Variants in CNTNAP5 observed in about 807,000 individuals in gnomAD.
CNTNAP5 encodes the protein contactin associated protein family member 5.
A neutral mutation model predicts 150.2 loss-of-function variants in CNTNAP5; 72 were observed. The ratio of observed to expected loss-of-function variants is 0.48; its 90% confidence interval spans 0.40 to 0.58. CNTNAP5 has a LOEUF of 0.58. CNTNAP5 is among the 20% of genes least tolerant of loss of function. CNTNAP5 has a pLI of 0.00. For missense variants in CNTNAP5, 1,636 were observed against 1,626.2 expected (o/e 1.01, Z -0.10); for synonymous variants, 672 against 619.8 (o/e 1.08, Z -1.25).
At chr2:124,071,691 C>T (rs1185545496) in intron 1 of CNTNAP5, among the ~76,000 whole-genome samples, 1 of 151,802 alleles carries the variant, frequency 6.6e-6, no homozygotes, top group Non-Finnish European at 1.5e-5. Flanking sequence ...TCTGAACAGA[C>T]CAATAACAAG....
At chr2:124,733,884 C>T (rs140490914) in intron 13 of CNTNAP5, among the ~76,000 whole-genome samples, 2,899 of 152,118 alleles carry the variant, frequency 0.019, 36 homozygotes, top group Non-Finnish European at 0.03. Context: ...AGTGTTAATA[C>T]GACATGCACA....
At chr2:124,206,151 T>G (rs1395271888) in intron 1 of CNTNAP5, among the ~76,000 whole-genome samples, 1 of 152,196 alleles carries the variant, frequency 6.6e-6, no homozygotes, top group Non-Finnish European at 1.5e-5. Context: ...AACTAAGTGA[T>G]TAATGCCAAT....
chr2:124,078,517 C>T (rs907623011), intron 1 of CNTNAP5, among the ~76,000 whole-genome samples: 1 of 152,160 alleles, frequency 6.6e-6, no homozygotes, highest in African/African-American at 2.4e-5. Context: ...CTCTTAATTT[C>T]AAATTATGAC....
At chr2:124,596,079 C>CA (rs1468684040) in intron 11 of CNTNAP5, among the ~76,000 whole-genome samples, 1 of 132,522 alleles carries the variant, frequency 7.5e-6, no homozygotes, top group African/African-American at 2.9e-5. Flanking sequence ...TTGATCCTTT[C>CA]AAAAAACCAG....
At chr2:124,694,976 A>G (rs1679375615) in intron 13 of CNTNAP5, among the ~76,000 whole-genome samples, 1 of 150,542 alleles carries the variant, frequency 6.6e-6, no homozygotes, top group African/African-American at 2.5e-5. Flanking sequence ...TTAGAATACT[A>G]GTAGAATATT....
At chr2:124,355,384 C>A (rs1030554631) in intron 3 of CNTNAP5, among the ~76,000 whole-genome samples, 3 of 152,078 alleles carry the variant, frequency 2.0e-5, no homozygotes, top group Non-Finnish European at 1.5e-5. Context: ...TCTTTTCTTA[C>A]CCTAAACTTT....
chr2:124,692,445 A>T lies in CNTNAP5; in HGVS notation c.2077+44487A>T, dbSNP rs539835463. Reference sequence around the variant, plus strand: ...ATACAATCTGGCCTTTTACAGAAAAATGTATGGACTCTGTTTTAAGGCACT... The same window carrying T: ...ATACAATCTGGCCTTTTACAGAAAATTGTATGGACTCTGTTTTAAGGCACT... On this transcript the variant is annotated intron_variant, in intron 13 of 23. Transcript: ENST00000682447. Among the ~76,000 whole-genome samples, 5 of 152,246 alleles carry T rather than the reference A, an allele frequency of 3.3e-5. No homozygotes were observed. In the East Asian group the frequency reaches 7.8e-4, roughly 24 times the overall value.
At chr2:124,496,110 A>T (rs1374686735) in intron 7 of CNTNAP5, among the ~76,000 whole-genome samples, 2 of 152,122 alleles carry the variant, frequency 1.3e-5, no homozygotes, top group Non-Finnish European at 2.9e-5. Flanking sequence ...GGCCCATATG[A>T]ACTGCTTAAT....
intron 13 of CNTNAP5, among the ~76,000 whole-genome samples, chr2:124,679,756 G>T (rs1310452469): frequency 6.6e-6 from 1 of 151,588 alleles, no homozygotes; most frequent in African/African-American, 2.4e-5. Flanking sequence ...GTAGAAACAG[G>T]GTCTCGACAT....
At chr2:124,027,159 T>C (rs1680914052) in intron 1 of CNTNAP5, among the ~76,000 whole-genome samples, 1 of 152,192 alleles carries the variant, frequency 6.6e-6, no homozygotes, top group African/African-American at 2.4e-5. Flanking sequence ...GGAATCTGAG[T>C]TTTTTTCTTT....
At chr2:124,131,584 T>C (rs1683849694) in intron 1 of CNTNAP5, among the ~76,000 whole-genome samples, 1 of 152,092 alleles carries the variant, frequency 6.6e-6, no homozygotes, top group South Asian at 2.1e-4. Flanking sequence ...GGGTAATAGA[T>C]TAGGAATTAA....
intron 13 of CNTNAP5, among the ~76,000 whole-genome samples, chr2:124,696,034 C>A (rs1002669804): frequency 3.3e-5 from 5 of 152,026 alleles, no homozygotes; most frequent in African/African-American, 1.2e-4. Flanking sequence ...TGGAGAAGAA[C>A]CCCAAAGCTT....
intron 1 of CNTNAP5, among the ~76,000 whole-genome samples, chr2:124,174,104 G>C (rs1685004193): frequency 1.5e-5 from 1 of 68,858 alleles, no homozygotes; most frequent in South Asian, 4.9e-4. Flanking sequence ...GAGATTTACT[G>C]CTCAGGAAAA....
chr2:124,127,532 A>C (rs1053520745), intron 1 of CNTNAP5, among the ~76,000 whole-genome samples: 6 of 152,078 alleles, frequency 3.9e-5, no homozygotes, highest in Admixed American at 3.9e-4. Flanking sequence ...CTACTAATGA[A>C]TTTCTTCACA....
chr2:124,455,434 GACCAGAC>G (rs1319328711), intron 6 of CNTNAP5, among the ~76,000 whole-genome samples: 2 of 152,104 alleles, frequency 1.3e-5, no homozygotes, highest in East Asian at 3.9e-4. Flanking sequence ...AAAAGTCCAG[GACCAGAC>G]AGTTTCACAG....
At chr2:124,712,048 G>A (rs1029729407) in intron 13 of CNTNAP5, among the ~76,000 whole-genome samples, 3 of 152,112 alleles carry the variant, frequency 2.0e-5, no homozygotes, top group Non-Finnish European at 4.4e-5. Flanking sequence ...TTCTTGGCCT[G>A]ATATCCTTTT....
chr2:124,193,176 T>A (rs1161477192), intron 1 of CNTNAP5, among the ~76,000 whole-genome samples: 1 of 152,238 alleles, frequency 6.6e-6, no homozygotes, highest in African/African-American at 2.4e-5. Context: ...AGGCCCACCT[T>A]CCTTAATGGC....
At chr2:124,511,697 G>C (rs1399336732) in intron 8 of CNTNAP5, among the ~76,000 whole-genome samples, 1 of 152,284 alleles carries the variant, frequency 6.6e-6, no homozygotes, top group South Asian at 2.1e-4. Context: ...TTTGAAACTG[G>C]CATAAATGGT....
chr2:124,531,794 C>T (rs1345017410), intron 10 of CNTNAP5, among the ~76,000 whole-genome samples: 2 of 152,152 alleles, frequency 1.3e-5, no homozygotes, highest in East Asian at 1.9e-4. Flanking sequence ...TGTGTAACCC[C>T]ATTTTCCAAT....
Sources: gnomAD v4.1 joint callset for allele counts (sites outside exome capture counted in the v4.1 genomes callset) on GRCh38, gnomAD v4.1.1 for gene constraint, MANE v1.5 for transcripts, NCBI Gene and HGNC (gene_info 2026-07-23, HGNC 2026-07-21) for gene names.